PTPRD: variants seen among roughly 807,000 people sequenced by gnomAD.
The protein encoded by PTPRD is protein tyrosine phosphatase receptor type D.
Under a neutral mutation model 214.5 loss-of-function variants are expected in PTPRD, and 34 were observed. The ratio of observed to expected loss-of-function variants is 0.16; its 90% CI spans 0.12 to 0.21. The LOEUF is 0.21. PTPRD is among the 10% of genes least tolerant of loss of function. PTPRD has a pLI of 1.00. For missense variants in PTPRD, 2,545 were observed against 2,398.7 expected, an observed-to-expected ratio of 1.06 and a Z score of -1.27; for synonymous variants, 1,128 against 845.7, an observed-to-expected ratio of 1.33 and a Z score of -5.79.
rs115404617 is a variant in PTPRD, at chr9:10,601,725, C to T, written c.-600+10673G>A. 6.9e-3 allele frequency among the ~76,000 whole-genome samples: 1,055 copies of T among 151,802 alleles called. 21 individuals carry two copies. Among genetic ancestry groups the T allele is most frequent in the African/African-American group, 0.024 (998 of 41,474 alleles). ...TGCTTTTTTAACCACTGCTCCTTCTCCAAGCTTTTCAGCGACAGAAGGCAA... is the reference window on the plus strand; with the variant it reads ...TGCTTTTTTAACCACTGCTCCTTCTTCAAGCTTTTCAGCGACAGAAGGCAA... On this transcript the variant is annotated intron_variant, in intron 2 of 45. Coordinates refer to ENST00000381196, the MANE Select transcript of PTPRD (RefSeq NM_002839.4).
intron 12 of PTPRD, among the ~76,000 whole-genome samples, chr9:8,656,943 C>T (rs901476817): frequency 2.0e-5 from 3 of 152,098 alleles, no homozygotes; most frequent in Non-Finnish European, 4.4e-5. Flanking sequence ...CAGAAATTAT[C>T]ACATTACCAA....
chr9:9,489,015 C>T (rs1463862939), intron 8 of PTPRD, among the ~76,000 whole-genome samples: 1 of 152,082 alleles, frequency 6.6e-6, no homozygotes, highest in South Asian at 2.1e-4. Context: ...GTTATAAGGC[C>T]CTCACTCTTG....
chr9:8,493,131 G>A (rs892391129), intron 26 of PTPRD, 152 bp from the exon 27 acceptor site: 1 of 643,002 alleles, frequency 1.6e-6, no homozygotes, highest in East Asian at 2.7e-5. Context: ...CTCATGCTAT[G>A]GAGATCTGTT....
chr9:9,934,719 C>T (rs1264164579), intron 5 of PTPRD, among the ~76,000 whole-genome samples: 2 of 151,752 alleles, frequency 1.3e-5, no homozygotes, highest in South Asian at 2.1e-4. Context: ...CTCCCTAACT[C>T]ATTTTATGAG....
At chr9:10,148,252 T>A (rs969458684) in intron 3 of PTPRD, among the ~76,000 whole-genome samples, 2 of 152,346 alleles carry the variant, frequency 1.3e-5, no homozygotes, top group African/African-American at 4.8e-5. Context: ...AGATTGTGTA[T>A]GTCTATTCTT....
At chr9:8,805,665 C>T (rs1176917183) in intron 11 of PTPRD, among the ~76,000 whole-genome samples, 4 of 151,272 alleles carry the variant, frequency 2.6e-5, no homozygotes, top group Non-Finnish European at 4.4e-5. Flanking sequence ...TGCAATGGCA[C>T]AATCTCGGCT....
At chr9:9,075,688 G>C (rs2099750022) in intron 10 of PTPRD, among the ~76,000 whole-genome samples, 1 of 152,066 alleles carries the variant, frequency 6.6e-6, no homozygotes, top group African/African-American at 2.4e-5. Context: ...GTGATGGTTT[G>C]CTTAGAATGA....
chr9:8,355,518 T>G (rs1056602304), intron 39 of PTPRD, among the ~76,000 whole-genome samples: 2 of 152,154 alleles, frequency 1.3e-5, no homozygotes, highest in South Asian at 4.1e-4. Context: ...CTGGTCATGT[T>G]TAAGGATGAC....
intron 3 of PTPRD, among the ~76,000 whole-genome samples, chr9:10,327,266 T>C (rs1328917694): frequency 6.6e-6 from 1 of 150,792 alleles, no homozygotes; most frequent in African/African-American, 2.4e-5. Context: ...CAATTTTATT[T>C]AGAGCTAATA....
chr9:8,389,545 A>G, intron 36 of PTPRD, 138 bp from the exon 37 acceptor site: 3 of 581,340 alleles, frequency 5.2e-6, no homozygotes, highest in Non-Finnish European at 8.5e-6. Context: ...GTCGGGTTTC[A>G]AGCAAGATTA....
chr9:8,524,815 T>C (rs1195345197), intron 18 of PTPRD, 110 bp downstream of exon 18: 1 of 903,192 alleles, frequency 1.1e-6, no homozygotes, highest in Admixed American at 1.7e-5. Flanking sequence ...CTACGGTCAC[T>C]ATTACCAAAC....
intron 14 of PTPRD, among the ~76,000 whole-genome samples, chr9:8,547,548 C>T (rs1180537312): frequency 6.7e-6 from 1 of 148,252 alleles, no homozygotes; most frequent in African/African-American, 2.5e-5. Context: ...GGGGCTGAGG[C>T]AAGAAAATTG....
rs143624553 is a variant in PTPRD, at chr9:9,697,785, C to G, written c.-287+36748G>C. 4.7e-3 allele frequency among the ~76,000 whole-genome samples: 722 copies of G among 152,278 alleles called. 5 individuals carry two copies. Among genetic ancestry groups the G allele is most frequent in the African/African-American group, 0.016 (682 of 41,562 alleles). ...TGGTCTTGCTCAACTTCCTCGAACA[C>G]AAATAATTCTTAGATTTCCTCTTTT... is the stretch of plus-strand genomic sequence containing the variant. On this transcript the variant is annotated intron_variant, in intron 7 of 45. Coordinates refer to ENST00000381196, the MANE Select transcript of PTPRD (RefSeq NM_002839.4).
At chr9:9,575,252 G>C (rs57163716) in intron 7 of PTPRD, among the ~76,000 whole-genome samples, 1 of 151,800 alleles carries the variant, frequency 6.6e-6, no homozygotes, top group Admixed American at 6.6e-5. Flanking sequence ...ATAACTATCC[G>C]TGATATATTC....
chr9:8,767,419 C>G (rs1010290003), intron 11 of PTPRD, among the ~76,000 whole-genome samples: 1 of 152,016 alleles, frequency 6.6e-6, no homozygotes, highest in Non-Finnish European at 1.5e-5. Flanking sequence ...ACCCGGCGTC[C>G]CACATTTTTT....
intron 12 of PTPRD, among the ~76,000 whole-genome samples, chr9:8,725,683 G>C (rs1020068044): frequency 6.6e-6 from 1 of 152,090 alleles, no homozygotes; most frequent in Non-Finnish European, 1.5e-5. Flanking sequence ...TTTACAAACA[G>C]TTATTTCCTT....
chr9:8,319,065 T>C (rs1214871122), intron 45 of PTPRD, among the ~76,000 whole-genome samples: 2 of 152,090 alleles, frequency 1.3e-5, no homozygotes, highest in African/African-American at 4.8e-5. Flanking sequence ...CTGTAACCCC[T>C]AAGACCCATT....
chr9:10,462,598 C>T (rs2098966778), intron 2 of PTPRD, among the ~76,000 whole-genome samples: 1 of 152,002 alleles, frequency 6.6e-6, no homozygotes, highest in Non-Finnish European at 1.5e-5. Context: ...GTATCAGAAA[C>T]ATTTTTGTCT....
At chr9:10,421,756 T>C (rs560021646) in intron 2 of PTPRD, among the ~76,000 whole-genome samples, 3 of 152,040 alleles carry the variant, frequency 2.0e-5, no homozygotes, top group African/African-American at 7.2e-5. Context: ...TTCGTTTACT[T>C]TATTACTGTT....
Sources: allele counts gnomAD v4.1 joint callset (sites outside exome capture counted in the v4.1 genomes callset), GRCh38; gene constraint gnomAD v4.1.1; transcripts MANE v1.5; gene names NCBI Gene and HGNC (gene_info 2026-07-23, HGNC 2026-07-21).